Variants in FIGN observed in about 807,000 individuals in gnomAD.
The protein encoded by FIGN is fidgetin, microtubule severing factor, also known as fidgetin.
In FIGN, 11 loss-of-function variants were observed where a neutral mutation model predicts 51.3. The ratio of observed to expected loss-of-function variants is 0.21; its 90% CI spans 0.13 to 0.35. The LOEUF is 0.35. Among genes scored for constraint, FIGN ranks in the 10% least tolerant of loss-of-function variants. The pLI, the probability that FIGN is intolerant of heterozygous loss-of-function variation, is 1.00. For synonymous variants in FIGN, 407 were observed against 363.2 expected (o/e 1.12, Z -1.37); for missense variants, 857 against 943.6 (o/e 0.91, Z 1.20).
Position 163,611,547 on chromosome 2 carries a change from T to C in FIGN, c.285A>G (p.Pro95=). ...TTTTCCGACCGTTCACTAGTCCTGA[T>C]GGTGTGTCCGAATAGTTGCTGAGTA... ...RPVLSNYSDT[P]SGLVNGRKNE... Residue 95 remains proline, a synonymous_variant, in exon 3 of 3, where the codon CCA becomes CCG. Coordinates refer to ENST00000333129, the MANE Select transcript of FIGN (RefSeq NM_018086.4). The C allele has an allele frequency of 6.2e-7, 1 of 1,614,228 alleles. No homozygotes were observed. The highest frequency in any genetic ancestry group is 8.5e-7 in the Non-Finnish European group (1 of 1,180,032).
chr2:163,727,640 T>G (rs535580931), intron 2 of FIGN, among the ~76,000 whole-genome samples: 58 of 152,266 alleles, frequency 3.8e-4, no homozygotes, highest in African/African-American at 1.4e-3. Flanking sequence ...CCCCCCACTT[T>G]CACCCCAGTC....
chr2:163,728,999 C>A, intron 2 of FIGN, among the ~76,000 whole-genome samples: 1 of 152,114 alleles, frequency 6.6e-6, no homozygotes, highest in East Asian at 1.9e-4. Context: ...CTTCACATTG[C>A]ACTACCTTTA....
chr2:163,621,578 G>C (rs549155196), intron 2 of FIGN, among the ~76,000 whole-genome samples: 9 of 152,264 alleles, frequency 5.9e-5, no homozygotes, highest in Admixed American at 3.3e-4. Context: ...AGGATTAAAA[G>C]TGAGAAGCTC....
At chr2:163,722,649 G>T (rs1157354073) in intron 2 of FIGN, among the ~76,000 whole-genome samples, 1 of 152,038 alleles carries the variant, frequency 6.6e-6, no homozygotes, top group Non-Finnish European at 1.5e-5. Context: ...ATAGCATAAT[G>T]TTTTTTATAA....
chr2:163,664,378 T>C (rs918780028), intron 2 of FIGN, among the ~76,000 whole-genome samples: 4 of 152,224 alleles, frequency 2.6e-5, no homozygotes, highest in African/African-American at 9.6e-5. Context: ...TTCCATAGAC[T>C]TACATACCTG....
At chr2:163,731,320 T>TTA (rs1173848253) in intron 2 of FIGN, among the ~76,000 whole-genome samples, 7 of 152,168 alleles carry the variant, frequency 4.6e-5, no homozygotes, top group African/African-American at 1.7e-4. Flanking sequence ...TTCAGGTGGT[T>TTA]TATATCTTAA....
chr2:163,666,699 A>G (rs1368305983), intron 2 of FIGN, among the ~76,000 whole-genome samples: 1 of 152,140 alleles, frequency 6.6e-6, no homozygotes, highest in Admixed American at 6.5e-5. Context: ...TGTCTTGTGG[A>G]TAAAAATATC....
intron 2 of FIGN, among the ~76,000 whole-genome samples, chr2:163,677,917 G>A (rs765669959): frequency 1.1e-4 from 16 of 152,118 alleles, no homozygotes; most frequent in Non-Finnish European, 1.9e-4. Context: ...ACTGAATAAC[G>A]CAATGGGGTT....
chr2:163,646,062 TA>T (rs1683376278), intron 2 of FIGN, among the ~76,000 whole-genome samples: 1 of 152,180 alleles, frequency 6.6e-6, no homozygotes, highest in Non-Finnish European at 1.5e-5. Flanking sequence ...AGTATTAAAA[TA>T]AATATGTAAT....
At position 163,611,056 on chromosome 2, in the gene FIGN, C is replaced by T. The variant is rs1421326928; in HGVS notation, c.776G>A (p.Gly259Glu). The T allele has an allele frequency of 6.2e-6, 10 of 1,613,956 alleles. No individual in the cohort carries two copies. The highest frequency in any genetic ancestry group is 7.6e-6 in the Non-Finnish European group (9 of 1,179,996). ...TGCCCCCCCAGGGCTGTACCCAGAC[C>T]CCACAGCAGTCTGAGGAGGATAGCT... is the stretch of plus-strand genomic sequence containing the variant. ...SASYPPQTAV[G>E]SGYSPGGAPP... The change falls in exon 3 of 3, where the codon GGG becomes GAG. Residue 259 changes from glycine to glutamate, a missense_variant. Gly to Glu is a moderately conservative substitution (Grantham distance 98, BLOSUM62 -2). Transcript: ENST00000333129.
intron 2 of FIGN, among the ~76,000 whole-genome samples, chr2:163,615,953 T>C (rs1682869171): frequency 6.6e-6 from 1 of 152,160 alleles, no homozygotes; most frequent in Admixed American, 6.6e-5. Context: ...CACAATCTAA[T>C]AGAAAATTGC....
chr2:163,666,415 T>C (rs947617971), intron 2 of FIGN, among the ~76,000 whole-genome samples: 8 of 152,304 alleles, frequency 5.3e-5, no homozygotes, highest in African/African-American at 1.4e-4. Context: ...TTTAGAACCA[T>C]AGGAGAGTCA....
chr2:163,617,387 C>A (rs1355807031), intron 2 of FIGN: 1 of 233,420 alleles, frequency 4.3e-6, no homozygotes, highest in Non-Finnish European at 7.0e-6. Flanking sequence ...AAAGGAGGAT[C>A]CATTTTCTAT....
chr2:163,707,314 C>T (rs1684515817), intron 2 of FIGN, among the ~76,000 whole-genome samples: 1 of 151,538 alleles, frequency 6.6e-6, no homozygotes, highest in Non-Finnish European at 1.5e-5. Flanking sequence ...CAAGATCGCG[C>T]CACTGCACTC....
At chr2:163,649,845 G>T (rs546904753) in intron 2 of FIGN, among the ~76,000 whole-genome samples, 3 of 152,146 alleles carry the variant, frequency 2.0e-5, no homozygotes, top group Non-Finnish European at 4.4e-5. Flanking sequence ...TTATCCCTGC[G>T]GAGCATGGAA....
Position 163,639,802 on chromosome 2 carries a change from T to C in FIGN, c.26-27996A>G, listed in dbSNP as rs527392830. On this transcript the variant is annotated intron_variant, in intron 2 of 2. Transcript: ENST00000333129. ...CTCTTCTAAATTCCCCAAGGAAGAC[T>C]AAAATTCATTAGATATTCCTTTTGT... Among the ~76,000 whole-genome samples the C allele has an allele frequency of 1.7e-3, 264 of 152,324 alleles. 1 individual carries two copies. The highest frequency in any genetic ancestry group is 0.014 in the Middle Eastern group (4 of 294).
At chr2:163,696,010 T>C (rs774737702) in intron 2 of FIGN, among the ~76,000 whole-genome samples, 5 of 151,910 alleles carry the variant, frequency 3.3e-5, no homozygotes, top group Non-Finnish European at 7.4e-5. Flanking sequence ...ACTTGTGAGG[T>C]TGAGGCAAGA....
intron 2 of FIGN, among the ~76,000 whole-genome samples, chr2:163,725,386 TC>T (rs1297090693): frequency 2.0e-5 from 3 of 151,968 alleles, no homozygotes; most frequent in African/African-American, 7.2e-5. Flanking sequence ...GAAAACATTT[TC>T]CCCTTAGCCC....
At chr2:163,618,107 T>A (rs1273475188) in intron 2 of FIGN, among the ~76,000 whole-genome samples, 2 of 152,154 alleles carry the variant, frequency 1.3e-5, no homozygotes, top group African/African-American at 4.8e-5. Flanking sequence ...ACAAAGAGCA[T>A]AATCTCTTTA....
Sources: gnomAD v4.1 joint callset for allele counts (sites outside exome capture counted in the v4.1 genomes callset) on GRCh38, gnomAD v4.1.1 for gene constraint, MANE v1.5 for transcripts, NCBI Gene and HGNC (gene_info 2026-07-23, HGNC 2026-07-21) for gene names.